Variants in EHBP1 observed in about 807,000 individuals in gnomAD.
The protein encoded by EHBP1 is EH domain-binding protein 1.
A neutral mutation model predicts 144.0 loss-of-function variants in EHBP1; 55 were observed. That is an observed-to-expected ratio of 0.38 (90% CI 0.31 to 0.48). The LOEUF (loss-of-function observed/expected upper bound fraction) is 0.48. EHBP1 is among the 20% of genes least tolerant of loss of function. The pLI is 0.98. For missense variants in EHBP1, 1,200 were observed against 1,364.2 expected (o/e 0.88, Z 1.90); for synonymous variants, 469 against 472.7 (o/e 0.99, Z 0.10).
At position 63,046,088 on chromosome 2, in the gene EHBP1, C is replaced by T. The variant is rs1346346693; in HGVS notation, c.*588C>T. 6.5e-6 allele frequency: 1 copy of T among 152,994 alleles called. No individual in the cohort carries two copies. Among genetic ancestry groups the T allele is most frequent in the Non-Finnish European group, 1.5e-5 (1 of 68,376 alleles). The allele number at this position is 152,994 out of a possible 1,614,324, so 9.5% of individuals were successfully genotyped here. Reference sequence around the variant, plus strand: ...GTTTCACTGTAAGGATAATGGAGTTCCTCTCCTCTGCTTTCCTCAGAGGAT... The same window carrying T: ...GTTTCACTGTAAGGATAATGGAGTTTCTCTCCTCTGCTTTCCTCAGAGGAT... On this transcript the variant is annotated 3_prime_UTR_variant, in exon 23 of 23. Coordinates refer to ENST00000431489, the MANE Select transcript of EHBP1 (RefSeq NM_001142616.3).
chr2:62,773,850 C>CAAAAAAAAAAAAAAAAAAAAAAAAA (rs570715468), intron 5 of EHBP1, among the ~76,000 whole-genome samples: 1 of 41,552 alleles, frequency 2.4e-5, no homozygotes, highest in Non-Finnish European at 4.1e-5. Context: ...GACTCCATCT[C>CAAAAAAAAAAAAAAAAAAAAAAAAA]AAAAAAAAAA....
chr2:62,711,327 T>G (rs569855155), intron 2 of EHBP1, among the ~76,000 whole-genome samples: 1 of 152,286 alleles, frequency 6.6e-6, no homozygotes, highest in East Asian at 1.9e-4. Flanking sequence ...GACTTACTGA[T>G]GGATTAGATA....
At chr2:62,815,508 G>T (rs2045368653) in intron 5 of EHBP1, among the ~76,000 whole-genome samples, 1 of 152,182 alleles carries the variant, frequency 6.6e-6, no homozygotes, top group South Asian at 2.1e-4. Context: ...ATGCTGCATT[G>T]CAAAGGAGAA....
Position 62,792,857 on chromosome 2 carries a change from T to G in EHBP1, c.312+21465T>G, listed in dbSNP as rs1046041493. On this transcript the variant is annotated intron_variant, in intron 5 of 22. Coordinates refer to ENST00000431489, the MANE Select transcript of EHBP1 (RefSeq NM_001142616.3). The stretch of plus-strand genomic sequence containing the variant: ...TGAAGAAGACATCTATTGTAACAGA[T>G]TCTGTGAATTAGATGTCAGGAATAG... Among the ~76,000 whole-genome samples, 13 of 152,090 alleles carry G rather than the reference T, an allele frequency of 8.5e-5. 1 individual carries two copies. The highest frequency in any genetic ancestry group is 7.9e-4 in the Admixed American group (12 of 15,248).
At chr2:62,921,052 A>G (rs1362584194) in intron 10 of EHBP1, among the ~76,000 whole-genome samples, 2 of 152,208 alleles carry the variant, frequency 1.3e-5, no homozygotes, top group African/African-American at 4.8e-5. Context: ...ATCAACAGCT[A>G]AAAGGTTATT....
At chr2:62,873,414 G>C (rs2050639808) in intron 9 of EHBP1, among the ~76,000 whole-genome samples, 1 of 152,116 alleles carries the variant, frequency 6.6e-6, no homozygotes, top group Admixed American at 6.5e-5. Context: ...TCAGAGATGT[G>C]AGAGAGTTAT....
chr2:62,976,484 A>G (rs995614837), intron 14 of EHBP1, among the ~76,000 whole-genome samples: 2 of 152,086 alleles, frequency 1.3e-5, no homozygotes, highest in Non-Finnish European at 2.9e-5. Context: ...CCCTTTTAAA[A>G]TTTTCAGACT....
At chr2:62,784,653 G>T (rs567872132) in intron 5 of EHBP1, among the ~76,000 whole-genome samples, 1 of 152,124 alleles carries the variant, frequency 6.6e-6, no homozygotes, top group East Asian at 1.9e-4. Flanking sequence ...AAGAGAATGG[G>T]GTCTGAGGTA....
chr2:62,878,972 T>C (rs2051129021), intron 10 of EHBP1, among the ~76,000 whole-genome samples: 1 of 151,114 alleles, frequency 6.6e-6, no homozygotes, highest in South Asian at 2.1e-4. Context: ...CACCCAAGAT[T>C]GTGCCACTGC....
At chr2:62,723,677 T>C (rs1011733633) in intron 2 of EHBP1, among the ~76,000 whole-genome samples, 1 of 152,240 alleles carries the variant, frequency 6.6e-6, no homozygotes, top group African/African-American at 2.4e-5. Context: ...GATCTGGTGA[T>C]AATTAATTTC....
Position 62,990,858 on chromosome 2 carries a change from A to T in EHBP1, c.2733+18A>T, listed in dbSNP as rs1420209922. 1.9e-6 allele frequency: 3 copies of T among 1,598,674 alleles called. No homozygotes were observed. Among genetic ancestry groups the T allele is most frequent in the Admixed American group, 3.5e-5 (2 of 57,732 alleles). ...ACATGAAAGTAAGTCTTACTTGTTT[A>T]AAACATTTGGCTTAGTATCTGTGTC... On this transcript the variant is annotated intron_variant, in intron 16 of 22. Coordinates refer to ENST00000431489, the MANE Select transcript of EHBP1 (RefSeq NM_001142616.3).
At position 62,805,983 on chromosome 2, in the gene EHBP1, A is replaced by ATT. The variant is rs34953459; in HGVS notation, c.313-20094_313-20093dup. On this transcript the variant is annotated intron_variant, in intron 5 of 22. Transcript: ENST00000431489. ...TACTTCATTTGCTACTATTTTCTGG[A>ATT]TTTTTTTTTTTCCTGAGTCAGGGTC... 5.9e-3 allele frequency among the ~76,000 whole-genome samples: 874 copies of ATT among 148,290 alleles called. 8 individuals carry two copies. Among genetic ancestry groups the ATT allele is most frequent in the Middle Eastern group, 0.014 (4 of 290 alleles).
In EHBP1 at chr2:62,948,525, C is replaced by T; in HGVS notation, c.1679C>T (p.Pro560Leu). The stretch of plus-strand genomic sequence containing the variant: ...GAGCTTAGTGATCTGAAGCGGGAGC[C>T]TGAACTACAACAGCCTATCAGCGGA... ...YAELSDLKRE[P>L]ELQQPISGAV... is the part of the protein sequence containing the mutation. The change falls in exon 13 of 23, where the codon CCT becomes CTT. Residue 560 changes from proline to leucine, a missense_variant. Physicochemically the swap from Pro to Leu is moderately conservative, Grantham distance 98. Coordinates refer to ENST00000431489, the MANE Select transcript of EHBP1 (RefSeq NM_001142616.3). 1.2e-6 allele frequency: 2 copies of T among 1,614,092 alleles called. No individual in the cohort carries two copies. Among genetic ancestry groups the T allele is most frequent in the Non-Finnish European group, 1.7e-6 (2 of 1,179,964 alleles).
chr2:62,829,047 A>G (rs571564725), intron 6 of EHBP1, among the ~76,000 whole-genome samples: 2 of 151,936 alleles, frequency 1.3e-5, no homozygotes, highest in East Asian at 3.9e-4. Context: ...GAGCCCAGGA[A>G]GATGCAGTGA....
chr2:62,967,393 A>G (rs1282809829), intron 14 of EHBP1, among the ~76,000 whole-genome samples: 1 of 152,222 alleles, frequency 6.6e-6, no homozygotes, highest in Non-Finnish European at 1.5e-5. Flanking sequence ...TTGGATTTGT[A>G]GGAATAACAG....
At chr2:62,900,165 A>T (rs1318084239) in intron 10 of EHBP1, among the ~76,000 whole-genome samples, 1 of 152,202 alleles carries the variant, frequency 6.6e-6, no homozygotes, top group African/African-American at 2.4e-5. Flanking sequence ...AGAAACACAG[A>T]TATCATGGTC....
rs144945443 is a variant in EHBP1 at position 62,783,490 on chromosome 2, A to G, written c.312+12098A>G. On this transcript the variant is annotated intron_variant, in intron 5 of 22. Transcript: ENST00000431489. ...TCTATCTGGACATCCAGGCCTTTGT[A>G]TACATCCTCTGAAATCTAGGTGGAG... 2.9e-3 allele frequency among the ~76,000 whole-genome samples: 439 copies of G among 152,342 alleles called. 2 individuals carry two copies. Among genetic ancestry groups the G allele is most frequent in the African/African-American group, 9.8e-3 (409 of 41,584 alleles).
intron 10 of EHBP1, among the ~76,000 whole-genome samples, chr2:62,886,242 A>G (rs191863216): frequency 7.7e-4 from 118 of 152,334 alleles, no homozygotes; most frequent in African/African-American, 2.6e-3. Context: ...CACACAATCA[A>G]TGTGTTAATT....
chr2:62,727,738 G>T (rs2036970366), intron 2 of EHBP1, among the ~76,000 whole-genome samples: 1 of 152,132 alleles, frequency 6.6e-6, no homozygotes, highest in Admixed American at 6.5e-5. Flanking sequence ...CTGCTATTAT[G>T]AATAATGCTG....
Sources: gnomAD v4.1 joint callset for allele counts (sites outside exome capture counted in the v4.1 genomes callset) on GRCh38, gnomAD v4.1.1 for gene constraint, MANE v1.5 for transcripts, NCBI Gene and HGNC (gene_info 2026-07-23, HGNC 2026-07-21) for gene names.